Variants in SLC25A30 observed in about 807,000 individuals in gnomAD.
The protein encoded by SLC25A30 is solute carrier family 25 member 30, also known as kidney mitochondrial carrier protein 1.
In SLC25A30, 29 loss-of-function variants were observed where a neutral mutation model predicts 42.7. That is an observed-to-expected ratio of 0.68 (90% CI 0.51 to 0.93). SLC25A30 has a LOEUF of 0.93. Ranked by LOEUF, SLC25A30 falls within the 40% of genes least tolerant of loss-of-function variation. SLC25A30 has a pLI of 0.00. For synonymous variants in SLC25A30, 124 were observed against 131.0 expected, an observed-to-expected ratio of 0.95 and a Z score of 0.37; for missense variants, 300 against 359.7, an observed-to-expected ratio of 0.83 and a Z score of 1.34.
At position 45,395,821 on chromosome 13, in the gene SLC25A30, A is replaced by G; in HGVS notation, c.*153T>C. 6.5e-7 allele frequency: 1 copy of G among 1,535,144 alleles called. No individual in the cohort carries two copies. The highest frequency in any genetic ancestry group is 8.8e-7 in the Non-Finnish European group (1 of 1,142,016). ...TTGATGAAGAGCATCCAATGCCAAC[A>G]CACAGCAATCTCAACTAACCCAGTC... On this transcript the variant is annotated 3_prime_UTR_variant, in exon 10 of 10. Transcript: ENST00000519676.
chr13:45,398,129 C>T, intron 8 of SLC25A30: 3 of 855,458 alleles, frequency 3.5e-6, no homozygotes, highest in Non-Finnish European at 4.2e-6. Flanking sequence ...CCCCTGTAGC[C>T]ATAAAAAAGA....
chr13:45,413,735 T>G (rs1883225790), intron 1 of SLC25A30, among the ~76,000 whole-genome samples: 1 of 152,154 alleles, frequency 6.6e-6, no homozygotes, highest in Non-Finnish European at 1.5e-5. Context: ...TGTATTTTAA[T>G]AGAGACAGGA....
chr13:45,425,673 A>C, the SLC25A30 span, among the ~76,000 whole-genome samples: 66 of 85,064 alleles, frequency 7.8e-4, 2 homozygotes, highest in African/African-American at 2.3e-3. Flanking sequence ...TATATATATA[A>C]GTATATATAA....
intron 1 of SLC25A30, among the ~76,000 whole-genome samples, chr13:45,413,615 C>T (rs1883215012): frequency 6.6e-6 from 1 of 151,190 alleles, no homozygotes; most frequent in Non-Finnish European, 1.5e-5. Flanking sequence ...AATGCAATGG[C>T]TCAATCTCAG....
At chr13:45,412,172 C>T (rs555835319) in intron 1 of SLC25A30, among the ~76,000 whole-genome samples, 1 of 151,760 alleles carries the variant, frequency 6.6e-6, no homozygotes, top group East Asian at 1.9e-4. Flanking sequence ...AAGACTAGAG[C>T]GTAGTGGCAC....
chr13:45,431,129 C>A, the SLC25A30 span, among the ~76,000 whole-genome samples: 1 of 152,122 alleles, frequency 6.6e-6, no homozygotes, highest in African/African-American at 2.4e-5. Flanking sequence ...CTCACCGCAA[C>A]CTCTGCCTCC....
chr13:45,426,338 G>A, the SLC25A30 span, among the ~76,000 whole-genome samples: 1 of 152,046 alleles, frequency 6.6e-6, no homozygotes, highest in African/African-American at 2.4e-5. Flanking sequence ...ACCCGCCCTG[G>A]CCTTCCAAAG....
chr13:45,412,431 G>A (rs1412611688), intron 1 of SLC25A30, among the ~76,000 whole-genome samples: 5 of 152,096 alleles, frequency 3.3e-5, no homozygotes, highest in South Asian at 2.1e-4. Context: ...TATAAATATC[G>A]GCTCACTTCT....
upstream of SLC25A30, chr13:45,418,629 T>TG (rs1883751026): frequency 6.6e-6 from 1 of 151,950 alleles, no homozygotes; most frequent in African/African-American, 2.4e-5. Context: ...CGATATCGAC[T>TG]GGGAGGTGGA....
chr13:45,398,630 G>A (rs2137627287), intron 8 of SLC25A30: 1 of 198,586 alleles, frequency 5.0e-6, no homozygotes, highest in South Asian at 1.3e-4. Flanking sequence ...CTTTAACAGA[G>A]ATGTCTGAAT....
chr13:45,394,040 CAAAAGTGAA>C lies in SLC25A30; in HGVS notation c.*1925_*1933del. On this transcript the variant is annotated 3_prime_UTR_variant, in exon 10 of 10. Transcript: ENST00000519676. ...AAGCAATCTTTAAACTCAAAGAACT[CAAAAGTGAA>C]AGCCTCTCTATAGAAAGTCTTTATA... 1.0e-6 allele frequency: 1 copy of C among 985,184 alleles called. No homozygotes were observed. Among genetic ancestry groups the C allele is most frequent in the South Asian group, 4.7e-5 (1 of 21,274 alleles). The allele number at this position is 985,184 out of a possible 1,614,324, so 61.0% of individuals were successfully genotyped here.
chr13:45,430,375 TAAC>T, the SLC25A30 span, among the ~76,000 whole-genome samples: 1 of 151,768 alleles, frequency 6.6e-6, no homozygotes, highest in African/African-American at 2.4e-5. Flanking sequence ...AGAAAAGAAA[TAAC>T]AAATGAAAAC....
At position 45,406,202 on chromosome 13, in the gene SLC25A30, C is replaced by T. The variant is rs543840561; in HGVS notation, c.213-225G>A. 7.9e-5 allele frequency among the ~76,000 whole-genome samples: 12 copies of T among 152,230 alleles called. No individual in the cohort carries two copies. The South Asian group carries it at 2.1e-3, about 26-fold the overall frequency. On this transcript the variant is annotated intron_variant, in intron 3 of 9. Transcript: ENST00000519676. The stretch of plus-strand genomic sequence containing the variant: ...GGTTCAAGCGATTCTTCTGCCTCAG[C>T]CTCCCGAGTAGCTGGGAATACGGGC...
chr13:45,424,825 A>AAAATATAT, the SLC25A30 span, among the ~76,000 whole-genome samples: 1 of 45,368 alleles, frequency 2.2e-5, no homozygotes, highest in African/African-American at 1.0e-4. Flanking sequence ...TAAATATATA[A>AAAATATAT]AAATATATAT....
Position 45,409,061 on chromosome 13 carries a change from A to G in SLC25A30, c.78T>C (p.Ile26=). Residue 26 remains isoleucine, a synonymous_variant, in exon 3 of 10, where the codon ATT becomes ATC. Coordinates refer to ENST00000519676, the MANE Select transcript of SLC25A30 (RefSeq NM_001010875.4). ...TCTGGAGCCGTGTCTTGGTTAAATC[A>G]ATTGGAAATGTACCTTAAAATTTAA... The part of the protein sequence containing the change: ...SITAECGTFP[I]DLTKTRLQIQ... 6.2e-7 allele frequency: 1 copy of G among 1,605,758 alleles called. No homozygotes were observed.
At chr13:45,430,930 A>G in the SLC25A30 span, among the ~76,000 whole-genome samples, 1 of 152,086 alleles carries the variant, frequency 6.6e-6, no homozygotes, top group East Asian at 1.9e-4. Context: ...AAATATTAGG[A>G]TGCCTCAGGG....
the SLC25A30 span, among the ~76,000 whole-genome samples, chr13:45,432,361 C>A: frequency 6.6e-6 from 1 of 151,524 alleles, no homozygotes; most frequent in African/African-American, 2.4e-5. Context: ...ATACTTGTTT[C>A]AGATGGCTTT....
At chr13:45,424,373 A>G in the SLC25A30 span, among the ~76,000 whole-genome samples, 326 of 73,710 alleles carry the variant, frequency 4.4e-3, 1 homozygote, top group Non-Finnish European at 6.8e-3. Context: ...AAATATATAT[A>G]AATATATAGA....
chr13:45,395,584 T>G lies in SLC25A30; in HGVS notation c.*390A>C. ...CCTTCTCGGAGGCTCCATTCCATGG[T>G]TCCAGTGAGCTTTTCTAGAGCAGTC... On this transcript the variant is annotated 3_prime_UTR_variant, in exon 10 of 10. Coordinates refer to ENST00000519676, the MANE Select transcript of SLC25A30 (RefSeq NM_001010875.4). 1 of 1,095,756 alleles carries G rather than the reference T, an allele frequency of 9.1e-7. No individual in the cohort carries two copies. Among genetic ancestry groups the G allele is most frequent in the East Asian group, 6.6e-5 (1 of 15,136 alleles). The allele number at this position is 1,095,756 out of a possible 1,614,324, so 67.9% of individuals were successfully genotyped here. A position where few individuals can be genotyped will look rare whatever the true frequency, so the allele number is the denominator to read the frequency against.
Sources: gnomAD v4.1 joint callset for allele counts (sites outside exome capture counted in the v4.1 genomes callset) on GRCh38, gnomAD v4.1.1 for gene constraint, MANE v1.5 for transcripts, NCBI Gene and HGNC (gene_info 2026-07-23, HGNC 2026-07-21) for gene names.